PTPRD: variants seen among roughly 807,000 people sequenced by gnomAD.
PTPRD encodes protein tyrosine phosphatase receptor type D.
In PTPRD, 34 loss-of-function variants were observed where a neutral mutation model predicts 214.5. The observed-to-expected ratio is 0.16, with a 90% CI of 0.12 to 0.21. The LOEUF (loss-of-function observed/expected upper bound fraction) is 0.21. Ranked by LOEUF, PTPRD falls within the 10% of genes least tolerant of loss-of-function variation. The probability of loss-of-function intolerance (pLI) is 1.00; values close to 1 mark genes in which losing one functional copy is unlikely to be tolerated. For synonymous variants in PTPRD, 1,128 were observed against 845.7 expected (o/e 1.33, Z -5.79); for missense variants, 2,545 against 2,398.7 (o/e 1.06, Z -1.27).
chr9:9,798,846 A>G (rs2099020621), intron 5 of PTPRD, among the ~76,000 whole-genome samples: 2 of 152,190 alleles, frequency 1.3e-5, no homozygotes, highest in Admixed American at 1.3e-4. Context: ...AGAGATTAGA[A>G]AATATCACCC....
chr9:9,900,641 GTTT>G (rs1555302230), intron 5 of PTPRD, among the ~76,000 whole-genome samples: 1 of 120,082 alleles, frequency 8.3e-6, no homozygotes, highest in African/African-American at 3.1e-5. Flanking sequence ...ACATTTTCAG[GTTT>G]TTTTTTTTTT....
At chr9:9,261,627 C>T (rs565564786) in intron 9 of PTPRD, among the ~76,000 whole-genome samples, 18 of 145,448 alleles carry the variant, frequency 1.2e-4, no homozygotes, top group African/African-American at 4.1e-4. Context: ...TGAGTGTGTG[C>T]GTGTGTGCAT....
intron 12 of PTPRD, among the ~76,000 whole-genome samples, chr9:8,687,799 A>G (rs1381562351): frequency 2.0e-5 from 3 of 151,706 alleles, no homozygotes; most frequent in South Asian, 4.1e-4. Flanking sequence ...CATTTTATAT[A>G]CTACTCATAT....
intron 3 of PTPRD, among the ~76,000 whole-genome samples, chr9:10,090,992 A>G (rs2098423719): frequency 6.7e-6 from 1 of 150,224 alleles, no homozygotes; most frequent in Non-Finnish European, 1.5e-5. Flanking sequence ...CCAGAGGCAA[A>G]TGTTGCCTCA....
intron 7 of PTPRD, among the ~76,000 whole-genome samples, chr9:9,600,743 C>T (rs531976827): frequency 6.6e-6 from 1 of 152,172 alleles, no homozygotes; most frequent in Admixed American, 6.6e-5. Context: ...ACAGAACCGT[C>T]CATCCTTCCG....
chr9:9,232,336 A>G (rs2099963620), intron 9 of PTPRD, among the ~76,000 whole-genome samples: 1 of 152,218 alleles, frequency 6.6e-6, no homozygotes, highest in Non-Finnish European at 1.5e-5. Flanking sequence ...ATACTAAAGT[A>G]CTAAAGAACT....
At chr9:8,684,105 T>C (rs1384365070) in intron 12 of PTPRD, among the ~76,000 whole-genome samples, 1 of 152,178 alleles carries the variant, frequency 6.6e-6, no homozygotes, top group Non-Finnish European at 1.5e-5. Flanking sequence ...TCATCTCTGC[T>C]GCGCCCTATC....
Position 9,138,357 on chromosome 9 carries a change from G to C in PTPRD, c.-143+44947C>G, listed in dbSNP as rs563234289. ...TAGCTTATGTACCTGACACAAAGAA[G>C]TTCTCAATGACTGTTATGTACAATT... On this transcript the variant is annotated intron_variant, in intron 10 of 45. Transcript: ENST00000381196. Among the ~76,000 whole-genome samples, 7 of 152,200 alleles carry C rather than the reference G, an allele frequency of 4.6e-5. No homozygotes were observed. The South Asian group carries it at 6.2e-4, about 14-fold the overall frequency.
At chr9:9,126,450 A>G (rs2099834032) in intron 10 of PTPRD, among the ~76,000 whole-genome samples, 3 of 152,344 alleles carry the variant, frequency 2.0e-5, no homozygotes, top group African/African-American at 7.2e-5. Context: ...AACGACATAC[A>G]ATGAAACTGA....
chr9:9,715,428 TA>T (rs1211144921), intron 7 of PTPRD, among the ~76,000 whole-genome samples: 3 of 152,026 alleles, frequency 2.0e-5, no homozygotes, highest in Non-Finnish European at 4.4e-5. Flanking sequence ...TTCATAACAT[TA>T]GTGATAGAAA....
rs541212477 is a variant in PTPRD, at chr9:8,516,700, AC to A, written c.1543+1147del. On this transcript the variant is annotated intron_variant, in intron 21 of 45. Coordinates refer to ENST00000381196, the MANE Select transcript of PTPRD (RefSeq NM_002839.4). ...ATTATGTAGATTTCAAAACAAGCCA[AC>A]AGCATGATGCCAAAACATTCGTAGA... Among the ~76,000 whole-genome samples, 7 of 152,270 alleles carry A rather than the reference AC, an allele frequency of 4.6e-5. No homozygotes were observed. The South Asian group carries it at 1.2e-3, about 27-fold the overall frequency.
intron 39 of PTPRD, among the ~76,000 whole-genome samples, chr9:8,368,799 G>A (rs1005023085): frequency 1.3e-5 from 2 of 149,512 alleles, no homozygotes; most frequent in African/African-American, 4.9e-5. Flanking sequence ...TTAACACTAT[G>A]TTGTTTCATA....
At chr9:8,503,612 A>G (rs977988020) in intron 23 of PTPRD, among the ~76,000 whole-genome samples, 3 of 152,212 alleles carry the variant, frequency 2.0e-5, no homozygotes, top group Non-Finnish European at 4.4e-5. Flanking sequence ...GCTTAAGGGT[A>G]ACAGCTCCAA....
intron 12 of PTPRD, among the ~76,000 whole-genome samples, chr9:8,684,859 C>A (rs1331274924): frequency 6.6e-6 from 1 of 152,104 alleles, no homozygotes; most frequent in Admixed American, 6.6e-5. Flanking sequence ...GATTTTACTG[C>A]TCTCTGTGGG....
chr9:9,369,490 A>C (rs1596487492), intron 9 of PTPRD, among the ~76,000 whole-genome samples: 2 of 151,854 alleles, frequency 1.3e-5, no homozygotes, highest in South Asian at 4.1e-4. Flanking sequence ...GTTGGAGTTC[A>C]TTGTAGATTC....
chr9:9,061,138 T>C (rs1036826334), intron 10 of PTPRD, among the ~76,000 whole-genome samples: 7 of 152,300 alleles, frequency 4.6e-5, no homozygotes, highest in South Asian at 4.1e-4. Flanking sequence ...AAAGGGAGAC[T>C]GTCAGGGTAC....
intron 5 of PTPRD, among the ~76,000 whole-genome samples, chr9:9,777,734 A>T (rs1456778007): frequency 6.6e-6 from 1 of 152,190 alleles, no homozygotes; most frequent in Non-Finnish European, 1.5e-5. Flanking sequence ...ATAACTCTGG[A>T]AACATGTTGA....
chr9:9,245,637 G>C (rs1034768061), intron 9 of PTPRD, among the ~76,000 whole-genome samples: 2 of 151,926 alleles, frequency 1.3e-5, no homozygotes, highest in Non-Finnish European at 2.9e-5. Flanking sequence ...GGGGATGGGG[G>C]AGGGATAGCA....
intron 7 of PTPRD, among the ~76,000 whole-genome samples, chr9:9,716,643 A>G (rs2097840112): frequency 6.6e-6 from 1 of 152,168 alleles, no homozygotes; most frequent in African/African-American, 2.4e-5. Flanking sequence ...TTGGCTGCAT[A>G]AATGTCTTCT....
Sources: gnomAD v4.1 joint callset for allele counts (sites outside exome capture counted in the v4.1 genomes callset) on GRCh38, gnomAD v4.1.1 for gene constraint, MANE v1.5 for transcripts, NCBI Gene and HGNC (gene_info 2026-07-23, HGNC 2026-07-21) for gene names.